Variants in RAVER2 observed in about 807,000 individuals in gnomAD.
RAVER2 encodes ribonucleoprotein, PTB binding 2, also known as ribonucleoprotein PTB-binding 2.
Under a neutral mutation model 78.1 loss-of-function variants are expected in RAVER2, and 46 were observed. The ratio of observed to expected loss-of-function variants is 0.59; its 90% CI spans 0.46 to 0.75. The LOEUF is 0.75. Ranked by LOEUF, RAVER2 falls within the 30% of genes least tolerant of loss-of-function variation. The probability of loss-of-function intolerance (pLI) is 0.00; values close to 1 mark genes in which losing one functional copy is unlikely to be tolerated. For synonymous variants in RAVER2, 311 were observed against 313.3 expected (o/e 0.99, Z 0.08); for missense variants, 793 against 837.5 (o/e 0.95, Z 0.66).
At chr1:64,760,105 G>GAA (rs112327247) in intron 1 of RAVER2, among the ~76,000 whole-genome samples, 152 of 122,462 alleles carry the variant, frequency 1.2e-3, no homozygotes, top group East Asian at 4.7e-3. Flanking sequence ...TTGTGATGTG[G>GAA]AAAAAAAAAA....
intron 1 of RAVER2, among the ~76,000 whole-genome samples, chr1:64,753,833 A>G (rs1029791455): frequency 2.0e-5 from 3 of 151,960 alleles, no homozygotes; most frequent in Non-Finnish European, 2.9e-5. Flanking sequence ...CTCATTTTTA[A>G]CTTATAACTT....
chr1:64,795,503 T>C (rs1190302470), intron 5 of RAVER2, among the ~76,000 whole-genome samples: 2 of 152,142 alleles, frequency 1.3e-5, no homozygotes, highest in Non-Finnish European at 2.9e-5. Context: ...TGTTTTATTT[T>C]TTCAGATACA....
At chr1:64,778,712 T>C (rs759969245) in intron 3 of RAVER2, among the ~76,000 whole-genome samples, 35 of 149,058 alleles carry the variant, frequency 2.3e-4, no homozygotes, top group Non-Finnish European at 3.9e-4. Context: ...TATATATATA[T>C]ACTATATATA....
intron 9 of RAVER2, among the ~76,000 whole-genome samples, chr1:64,812,056 T>A (rs1036987359): frequency 6.6e-6 from 1 of 152,244 alleles, no homozygotes; most frequent in East Asian, 1.9e-4. Context: ...GTAAAAATAT[T>A]GATAACAGGC....
At chr1:64,765,250 C>T (rs919009452) in intron 1 of RAVER2, among the ~76,000 whole-genome samples, 4 of 152,156 alleles carry the variant, frequency 2.6e-5, no homozygotes, top group Non-Finnish European at 5.9e-5. Flanking sequence ...GAATTTCTCT[C>T]CTTGAGGAGC....
intron 4 of RAVER2, among the ~76,000 whole-genome samples, chr1:64,787,807 A>T (rs565114183): frequency 4.6e-5 from 7 of 152,224 alleles, no homozygotes; most frequent in African/African-American, 1.7e-4. Flanking sequence ...TCCTTCCCTG[A>T]ATTATCCTGT....
chr1:64,754,778 T>C (rs146658661), intron 1 of RAVER2, among the ~76,000 whole-genome samples: 33 of 152,372 alleles, frequency 2.2e-4, no homozygotes, highest in African/African-American at 7.7e-4. Context: ...ATTTTAGTCA[T>C]GTCTTTGGGA....
intron 4 of RAVER2, among the ~76,000 whole-genome samples, chr1:64,782,356 C>T (rs1399662402): frequency 1.3e-5 from 2 of 152,174 alleles, no homozygotes; most frequent in Non-Finnish European, 2.9e-5. Flanking sequence ...ACTATACCTT[C>T]TTCACAGTTT....
At chr1:64,747,715 T>C (rs569932066) in intron 1 of RAVER2, among the ~76,000 whole-genome samples, 6 of 152,146 alleles carry the variant, frequency 3.9e-5, no homozygotes, top group Admixed American at 6.5e-5. Context: ...GGTTTTGCCA[T>C]GTTGACCAGG....
chr1:64,801,074 T>A (rs944846455), intron 5 of RAVER2, among the ~76,000 whole-genome samples: 2 of 148,342 alleles, frequency 1.3e-5, no homozygotes, highest in South Asian at 2.1e-4. Context: ...TTTGTATATT[T>A]TATATATATA....
At chr1:64,757,413 C>T (rs546591140) in intron 1 of RAVER2, among the ~76,000 whole-genome samples, 1 of 152,230 alleles carries the variant, frequency 6.6e-6, no homozygotes, top group East Asian at 1.9e-4. Flanking sequence ...GGATTAGTGT[C>T]CTTATAAGAA....
chr1:64,792,266 G>A (rs1399422440), intron 5 of RAVER2, among the ~76,000 whole-genome samples: 4 of 152,144 alleles, frequency 2.6e-5, no homozygotes, highest in Non-Finnish European at 4.4e-5. Flanking sequence ...TATAGTCTAG[G>A]TCTTCTGGGT....
At chr1:64,825,403 C>CT (rs1326919060) in intron 11 of RAVER2, among the ~76,000 whole-genome samples, 1 of 152,060 alleles carries the variant, frequency 6.6e-6, no homozygotes, top group African/African-American at 2.4e-5. Flanking sequence ...TGAAGTGGGG[C>CT]TGAAGGTAAG....
At chr1:64,772,664 G>C (rs2100828004) in intron 2 of RAVER2, among the ~76,000 whole-genome samples, 1 of 152,292 alleles carries the variant, frequency 6.6e-6, no homozygotes, top group East Asian at 1.9e-4. Context: ...TTGAAAATCA[G>C]CTAAAAGGTT....
intron 9 of RAVER2, among the ~76,000 whole-genome samples, chr1:64,807,929 T>G (rs1298285770): frequency 6.6e-6 from 1 of 152,180 alleles, no homozygotes; most frequent in Non-Finnish European, 1.5e-5. Flanking sequence ...CTTAGGAGTA[T>G]CAATGCTTAT....
chr1:64,788,660 C>T (rs923046268), intron 4 of RAVER2, among the ~76,000 whole-genome samples: 2 of 151,000 alleles, frequency 1.3e-5, no homozygotes, highest in Non-Finnish European at 3.0e-5. Context: ...GGCGTTGTGG[C>T]GGGTGCCTAT....
chr1:64,777,843 T>C, exon 3 of RAVER2: 1 of 1,614,152 alleles, frequency 6.2e-7, no homozygotes, highest in Admixed American at 1.7e-5. Context: ...GTGAAGTTAC[T>C]GGCCATTCCA....
chr1:64,777,051 T>G (rs1167800042), intron 2 of RAVER2, among the ~76,000 whole-genome samples: 3 of 152,304 alleles, frequency 2.0e-5, no homozygotes, highest in Middle Eastern at 3.4e-3. Context: ...TGTCTGTGTG[T>G]TATGTCAATC....
intron 5 of RAVER2, among the ~76,000 whole-genome samples, chr1:64,801,499 T>C (rs911935697): frequency 1.3e-5 from 2 of 150,224 alleles, no homozygotes; most frequent in African/African-American, 5.0e-5. Context: ...CTCTATATTA[T>C]CTATTCTAAA....
Sources: allele counts gnomAD v4.1 joint callset (sites outside exome capture counted in the v4.1 genomes callset), GRCh38; gene constraint gnomAD v4.1.1; transcripts MANE v1.5; gene names NCBI Gene and HGNC (gene_info 2026-07-23, HGNC 2026-07-21).